The following PHLPP1 variants were observed in gnomAD, a reference collection of about 807,000 sequenced individuals.
The protein encoded by PHLPP1 is PH domain and leucine rich repeat protein phosphatase 1.
In PHLPP1, 42 loss-of-function variants were observed where a neutral mutation model predicts 117.2. That is an observed-to-expected ratio of 0.36 (90% CI 0.28 to 0.46). The LOEUF is 0.46. Ranked by LOEUF, PHLPP1 falls within the 20% of genes least tolerant of loss-of-function variation. The pLI is 1.00. For missense variants in PHLPP1, 2,084 were observed against 2,241.9 expected (o/e 0.93, Z 1.42); for synonymous variants, 1,042 against 970.7 (o/e 1.07, Z -1.37).
At chr18:62,814,619 C>T (rs1201643715) in intron 1 of PHLPP1, among the ~76,000 whole-genome samples, 1 of 152,192 alleles carries the variant, frequency 6.6e-6, no homozygotes, top group Non-Finnish European at 1.5e-5. Context: ...CTCATTCGAC[C>T]ATTTTCAGCT....
chr18:62,850,818 C>T (rs1456565345), intron 3 of PHLPP1, among the ~76,000 whole-genome samples: 1 of 152,176 alleles, frequency 6.6e-6, no homozygotes, highest in East Asian at 1.9e-4. Context: ...AAAGAGTCCA[C>T]ATTTTCACTT....
chr18:62,905,156 C>A, intron 7 of PHLPP1, 68 bp from the exon 8 acceptor site: 1 of 883,858 alleles, frequency 1.1e-6, no homozygotes, highest in South Asian at 2.9e-5. Flanking sequence ...TGACGTTCCA[C>A]ATACAAAAAG....
At position 62,765,120 on chromosome 18, in the gene PHLPP1, G is replaced by A. The variant is rs117899976; in HGVS notation, c.1576+47861G>A. 3.8e-4 allele frequency among the ~76,000 whole-genome samples: 58 copies of A among 152,214 alleles called. 1 individual carries two copies. The East Asian group carries it at 0.011, about 29-fold the overall frequency. On this transcript the variant is annotated intron_variant, in intron 1 of 16. Coordinates refer to ENST00000262719, the MANE Select transcript of PHLPP1 (RefSeq NM_194449.4). ...CTCCAAGTCACTCAGGATTGTTACC[G>A]TGAAATCATCCAGAATTCTGTCTCC... is the stretch of plus-strand genomic sequence containing the variant.
At chr18:62,725,529 A>G (rs1182412487) in intron 1 of PHLPP1, among the ~76,000 whole-genome samples, 1 of 152,156 alleles carries the variant, frequency 6.6e-6, no homozygotes, top group East Asian at 1.9e-4. Context: ...AATTGAAACA[A>G]CTTGTTCAGT....
intron 3 of PHLPP1, among the ~76,000 whole-genome samples, chr18:62,858,957 TA>T (rs1309336452): frequency 2.6e-5 from 4 of 152,178 alleles, no homozygotes; most frequent in African/African-American, 9.7e-5. Flanking sequence ...AACTGGATCT[TA>T]GATCAGTGAT....
At chr18:62,966,971 G>A (rs1910923279) in intron 14 of PHLPP1, among the ~76,000 whole-genome samples, 1 of 152,088 alleles carries the variant, frequency 6.6e-6, no homozygotes, top group South Asian at 2.1e-4. Flanking sequence ...GAATTATATA[G>A]TATATGGCCT....
chr18:62,844,541 G>A (rs1915132887), intron 3 of PHLPP1, among the ~76,000 whole-genome samples: 1 of 152,094 alleles, frequency 6.6e-6, no homozygotes, highest in South Asian at 2.1e-4. Flanking sequence ...CCATCTCCTG[G>A]CCAGTGGGCT....
At chr18:62,899,650 C>T (rs1456465065) in intron 6 of PHLPP1, among the ~76,000 whole-genome samples, 1 of 152,138 alleles carries the variant, frequency 6.6e-6, no homozygotes, top group Non-Finnish European at 1.5e-5. Flanking sequence ...TTGTTTTATT[C>T]ATCTCTTACT....
At chr18:62,764,163 C>CAA (rs34939800) in intron 1 of PHLPP1, among the ~76,000 whole-genome samples, 302 of 79,052 alleles carry the variant, frequency 3.8e-3, no homozygotes, top group African/African-American at 7.9e-3. Flanking sequence ...AACTCCATCT[C>CAA]AAAAAAAAAA....
intron 1 of PHLPP1, among the ~76,000 whole-genome samples, chr18:62,776,861 G>A (rs910597137): frequency 6.6e-6 from 1 of 152,104 alleles, no homozygotes. Context: ...ACCTGCCTCC[G>A]CCTCCCAAAG....
At chr18:62,959,133 G>A (rs1395435598) in intron 13 of PHLPP1, among the ~76,000 whole-genome samples, 1 of 152,136 alleles carries the variant, frequency 6.6e-6, no homozygotes, top group African/African-American at 2.4e-5. Context: ...CATTGATGCT[G>A]TTTCATTCTT....
At chr18:62,775,635 T>G (rs1030935862) in intron 1 of PHLPP1, among the ~76,000 whole-genome samples, 1 of 152,230 alleles carries the variant, frequency 6.6e-6, no homozygotes, top group African/African-American at 2.4e-5. Flanking sequence ...CTTCATGTAT[T>G]TTTTATCTCG....
At chr18:62,898,278 TC>T (rs1916619375) in intron 6 of PHLPP1, among the ~76,000 whole-genome samples, 1 of 152,218 alleles carries the variant, frequency 6.6e-6, no homozygotes, top group Non-Finnish European at 1.5e-5. Context: ...GAGTTCAGTG[TC>T]TTTCTTACTC....
chr18:62,934,987 G>A (rs551510760), intron 10 of PHLPP1, among the ~76,000 whole-genome samples: 6 of 152,164 alleles, frequency 3.9e-5, no homozygotes, highest in East Asian at 3.9e-4. Flanking sequence ...AAGAAAGCCC[G>A]TTATTTTCAC....
chr18:62,924,832 G>T, intron 10 of PHLPP1, among the ~76,000 whole-genome samples: 1 of 149,328 alleles, frequency 6.7e-6, no homozygotes, highest in East Asian at 2.0e-4. Context: ...GAGTGTGACC[G>T]TGTCTCAAAA....
intron 1 of PHLPP1, among the ~76,000 whole-genome samples, chr18:62,755,989 C>A (rs1169865381): frequency 6.7e-6 from 1 of 149,090 alleles, no homozygotes; most frequent in Non-Finnish European, 1.5e-5. Flanking sequence ...TGTTCCCCCC[C>A]CCCTTCAATT....
At position 62,980,308 on chromosome 18, in the gene PHLPP1, T is replaced by C. The variant is rs1185971822; in HGVS notation, c.*877T>C. 1 of 152,764 alleles carries C rather than the reference T, an allele frequency of 6.5e-6. No homozygotes were observed. The highest frequency in any genetic ancestry group is 2.4e-5 in the African/African-American group (1 of 41,460). The allele number at this position is 152,764 out of a possible 1,614,324, so 9.5% of individuals were successfully genotyped here. ...CACTTTTAACTGTGTTCCTTACTGC[T>C]GCCACAATCAGCATGGTTGTATAGT... is the stretch of plus-strand genomic sequence containing the variant. On this transcript the variant is annotated 3_prime_UTR_variant, in exon 17 of 17. Coordinates refer to ENST00000262719, the MANE Select transcript of PHLPP1 (RefSeq NM_194449.4).
In PHLPP1 at chr18:62,716,612, G is replaced by A; in HGVS notation, c.929G>A (p.Gly310Asp). 7.6e-7 allele frequency: 1 copy of A among 1,314,534 alleles called. No individual in the cohort carries two copies. 81.4% of individuals were successfully genotyped at this position (1,314,534 alleles called of 1,614,324 possible). The change falls in exon 1 of 17, where the codon GGC becomes GAC. Residue 310 changes from glycine to aspartate, a missense_variant. Gly to Asp is a moderately conservative substitution (Grantham distance 94). This residue lies in a region of PHLPP1 where 719 missense variants were observed against 636.0 expected (regional missense o/e 1.13). Transcript: ENST00000262719. This position sits in a 1 kb window ranked among gnomAD's most constrained non-coding sequence, Gnocchi z 5.7. ...ADLPLPVGGP[G>D]GWSRRASPAP... ...CTACCCCTGCCCGTCGGCGGCCCGG[G>A]CGGGTGGTCGCGCCGCGCCAGCCCA...
intron 3 of PHLPP1, among the ~76,000 whole-genome samples, chr18:62,849,261 A>G (rs1915260612): frequency 6.6e-6 from 1 of 152,224 alleles, no homozygotes; most frequent in African/African-American, 2.4e-5. Flanking sequence ...AAATATTGAT[A>G]TATCAGGAAT....
Sources: gnomAD v4.1 joint callset for allele counts (sites outside exome capture counted in the v4.1 genomes callset) on GRCh38, gnomAD v4.1.1 for gene constraint, gnomAD v4.1.1 regional missense constraint, Gnocchi (gnomAD v3.1) non-coding constraint, MANE v1.5 for transcripts, NCBI Gene and HGNC (gene_info 2026-07-23, HGNC 2026-07-21) for gene names.